Variants in SH3BP5 observed in about 807,000 individuals in gnomAD.
SH3BP5 encodes SH3 domain-binding protein 5.
Under a neutral mutation model 43.3 loss-of-function variants are expected in SH3BP5, and 22 were observed. The ratio of observed to expected loss-of-function variants is 0.51; its 90% CI spans 0.36 to 0.73. The LOEUF is 0.73. Ranked by LOEUF, SH3BP5 falls within the 30% of genes least tolerant of loss-of-function variation. SH3BP5 has a pLI of 0.00. For missense variants in SH3BP5, 529 were observed against 586.9 expected (o/e 0.90, Z 1.02); for synonymous variants, 255 against 225.8 (o/e 1.13, Z -1.16).
chr3:15,261,892 A>G (rs1159828588), intron 5 of SH3BP5, among the ~76,000 whole-genome samples: 2 of 152,240 alleles, frequency 1.3e-5, no homozygotes, highest in Non-Finnish European at 2.9e-5. Flanking sequence ...CCAATGGGCC[A>G]TTTAATAATG....
At chr3:15,293,127 G>A (rs1239902020) in intron 3 of SH3BP5, among the ~76,000 whole-genome samples, 3 of 152,236 alleles carry the variant, frequency 2.0e-5, no homozygotes, top group East Asian at 1.9e-4. Flanking sequence ...TCTTTCAGGC[G>A]AAGGAGAGTT....
intron 3 of SH3BP5, among the ~76,000 whole-genome samples, chr3:15,285,723 C>T (rs751899184): frequency 1.3e-5 from 2 of 152,200 alleles, no homozygotes; most frequent in Non-Finnish European, 2.9e-5. Context: ...ACAGGTGCTC[C>T]GCCAAGCCCT....
rs990325750 is a variant in SH3BP5, at chr3:15,255,689, G to A, written c.*397C>T. On this transcript the variant is annotated 3_prime_UTR_variant, in exon 9 of 9. Transcript: ENST00000383791. ...CATTTAGATATCGTGGGATAAAGTG[G>A]AGAGGACATCTCCATTTTCCCATAC... is the stretch of plus-strand genomic sequence containing the variant. 1 of 164,756 alleles carries A rather than the reference G, an allele frequency of 6.1e-6. No individual in the cohort carries two copies. The highest frequency in any genetic ancestry group is 2.4e-5 in the African/African-American group (1 of 41,656). The allele number at this position is 164,756 out of a possible 1,614,324, so 10.2% of individuals were successfully genotyped here. A position where few individuals can be genotyped will look rare whatever the true frequency, so the allele number is the denominator to read the frequency against.
Position 15,255,967 on chromosome 3 carries a change from A to G in SH3BP5, c.*119T>C. The stretch of plus-strand genomic sequence containing the variant: ...TAGCCCTCAAGGTCACTGAAACTTC[A>G]TTAGAGCAGTTTAGAGTAGACGTGT... On this transcript the variant is annotated 3_prime_UTR_variant, in exon 9 of 9. Coordinates refer to ENST00000383791, the MANE Select transcript of SH3BP5 (RefSeq NM_004844.5). The G allele has an allele frequency of 6.9e-6, 6 of 870,514 alleles. No individual in the cohort carries two copies. The highest frequency in any genetic ancestry group is 3.3e-5 in the South Asian group (2 of 61,528). 53.9% of individuals were successfully genotyped at this position (870,514 alleles called of 1,614,324 possible). A position where few individuals can be genotyped will look rare whatever the true frequency, so the allele number is the denominator to read the frequency against.
chr3:15,317,327 A>G (rs1575344555), intron 2 of SH3BP5, among the ~76,000 whole-genome samples: 1 of 152,226 alleles, frequency 6.6e-6, no homozygotes, highest in East Asian at 1.9e-4. Flanking sequence ...CACCCACCAC[A>G]GCATTCCAGG....
chr3:15,329,159 A>C (rs917954089), intron 2 of SH3BP5, among the ~76,000 whole-genome samples: 2 of 152,100 alleles, frequency 1.3e-5, no homozygotes, highest in African/African-American at 4.8e-5. Flanking sequence ...CAAAAAAAAA[A>C]AAATTTTAAT....
rs1421802412 is a variant in SH3BP5 at position 15,269,883 on chromosome 3, T to A, written c.331-6A>T. On this transcript the variant is annotated splice_polypyrimidine_tract_variant and splice_region_variant and intron_variant, in intron 3 of 8. Coordinates refer to ENST00000383791, the MANE Select transcript of SH3BP5 (RefSeq NM_004844.5). ...TTCTGAGCTTCCAGCTGAGCCTGTG[T>A]GAGAAAGAATCCTCATGAGGCCTCA... 4 of 1,524,026 alleles carry A rather than the reference T, an allele frequency of 2.6e-6. No individual in the cohort carries two copies. The highest frequency in any genetic ancestry group is 3.5e-6 in the Non-Finnish European group (4 of 1,131,946). 94.4% of individuals were successfully genotyped at this position (1,524,026 alleles called of 1,614,324 possible).
chr3:15,300,567 G>A (rs1476684773), intron 3 of SH3BP5, among the ~76,000 whole-genome samples: 2 of 151,966 alleles, frequency 1.3e-5, no homozygotes, highest in African/African-American at 2.4e-5. Flanking sequence ...AGTGGACATC[G>A]CCCCCCTCAC....
In SH3BP5 at chr3:15,287,108, C is replaced by T. The variant is rs1018869321; in HGVS notation, c.330+16995G>A. On this transcript the variant is annotated intron_variant, in intron 3 of 8. Coordinates refer to ENST00000383791, the MANE Select transcript of SH3BP5 (RefSeq NM_004844.5). ...CTGCAAAACACAGATAATAACAGAA[C>T]GTAGCTCATAGAGTTGCTGCAAGGA... Among the ~76,000 whole-genome samples, 19 of 152,284 alleles carry T rather than the reference C, an allele frequency of 1.2e-4. No individual in the cohort carries two copies. In the South Asian group the frequency reaches 2.3e-3, roughly 18 times the overall value.
rs1697094281 is a variant in SH3BP5 at position 15,280,523 on chromosome 3, G to A, written c.331-10646C>T. Among the ~76,000 whole-genome samples the A allele has an allele frequency of 2.6e-5, 4 of 152,240 alleles. 1 individual carries two copies. The South Asian group carries it at 8.3e-4, about 32-fold the overall frequency. ...TTTTATTTTCTAGGAGAAAACTTCAGAGCCTAACAAATAAATTGGCCTGCT... is the reference window on the plus strand; with the variant it reads ...TTTTATTTTCTAGGAGAAAACTTCAAAGCCTAACAAATAAATTGGCCTGCT... On this transcript the variant is annotated intron_variant, in intron 3 of 8. Coordinates refer to ENST00000383791, the MANE Select transcript of SH3BP5 (RefSeq NM_004844.5).
At chr3:15,278,385 A>G (rs1307116842) in intron 3 of SH3BP5, among the ~76,000 whole-genome samples, 1 of 152,204 alleles carries the variant, frequency 6.6e-6, no homozygotes, top group African/African-American at 2.4e-5. Context: ...GTCTGTTCTC[A>G]ACTTTATTAA....
chr3:15,255,109 C>G lies in SH3BP5; in HGVS notation c.*977G>C, dbSNP rs1014047762. The G allele has an allele frequency of 6.6e-6, 1 of 152,616 alleles. No homozygotes were observed. The highest frequency in any genetic ancestry group is 1.5e-5 in the Non-Finnish European group (1 of 68,040). 9.5% of individuals were successfully genotyped at this position (152,616 alleles called of 1,614,324 possible). A position where few individuals can be genotyped will look rare whatever the true frequency, so the allele number is the denominator to read the frequency against. ...TTACCATGAAAACGTTAAAGAAAAG[C>G]AGTCTTAACACTTAACTACTATTAA... On this transcript the variant is annotated 3_prime_UTR_variant, in exon 9 of 9. Transcript: ENST00000383791.
chr3:15,324,389 ATTAT>A (rs1416230811), intron 2 of SH3BP5, among the ~76,000 whole-genome samples: 1 of 152,184 alleles, frequency 6.6e-6, no homozygotes, highest in Admixed American at 6.5e-5. Flanking sequence ...GACGTGCCTG[ATTAT>A]TTGTTGACCA....
intron 2 of SH3BP5, among the ~76,000 whole-genome samples, chr3:15,306,345 C>A (rs1220717862): frequency 6.6e-6 from 1 of 151,996 alleles, no homozygotes; most frequent in African/African-American, 2.4e-5. Context: ...GGAGACAGAG[C>A]GAGACTCCGT....
intron 3 of SH3BP5, among the ~76,000 whole-genome samples, chr3:15,290,434 G>C (rs994085186): frequency 6.6e-6 from 1 of 150,526 alleles, no homozygotes; most frequent in South Asian, 2.1e-4. Context: ...GCTGAGGCAG[G>C]AGAATTGCTT....
At chr3:15,317,490 G>C (rs1448398041) in intron 2 of SH3BP5, among the ~76,000 whole-genome samples, 1 of 152,164 alleles carries the variant, frequency 6.6e-6, no homozygotes, top group East Asian at 1.9e-4. Flanking sequence ...ATGACCAGAA[G>C]GAACAACTAA....
chr3:15,286,067 T>C (rs889752085), intron 3 of SH3BP5, among the ~76,000 whole-genome samples: 1 of 152,230 alleles, frequency 6.6e-6, no homozygotes, highest in Non-Finnish European at 1.5e-5. Context: ...TCTATTATCA[T>C]GTAAGTGGGA....
rs998114433 is a variant in SH3BP5, at chr3:15,255,397, A to ATAAG, written c.*685_*688dup. 9 of 152,432 alleles carry ATAAG rather than the reference A, an allele frequency of 5.9e-5. No individual in the cohort carries two copies. The highest frequency in any genetic ancestry group is 1.2e-4 in the African/African-American group (5 of 41,374). The allele number at this position is 152,432 out of a possible 1,614,324, so 9.4% of individuals were successfully genotyped here. A position where few individuals can be genotyped will look rare whatever the true frequency, so the allele number is the denominator to read the frequency against. On this transcript the variant is annotated 3_prime_UTR_variant, in exon 9 of 9. Transcript: ENST00000383791. ...CCCCCACAGCCACAAATCCCCTTCT[A>ATAAG]TAAGTCCCTCCTACCCTCATCCCCC...
At chr3:15,256,579 GAAAC>G (rs1325808696) in intron 8 of SH3BP5, 3 of 592,576 alleles carry the variant, frequency 5.1e-6, no homozygotes, top group South Asian at 4.3e-5. Context: ...TTATTGCTGA[GAAAC>G]AAACCTCTCT....
Sources: gnomAD v4.1 joint callset for allele counts (sites outside exome capture counted in the v4.1 genomes callset) on GRCh38, gnomAD v4.1.1 for gene constraint, MANE v1.5 for transcripts, NCBI Gene and HGNC (gene_info 2026-07-23, HGNC 2026-07-21) for gene names.